Variants in GRK5 observed in about 807,000 individuals in gnomAD.
GRK5 encodes the protein g protein-coupled receptor kinase GRK5.
GRK5 carries 40 observed loss-of-function variants against 78.4 expected under a neutral mutation model. The ratio of observed to expected loss-of-function variants is 0.51; its 90% confidence interval spans 0.40 to 0.66. The LOEUF is 0.66. Among genes scored for constraint, GRK5 ranks in the 30% least tolerant of loss-of-function variants. The pLI, the probability that GRK5 is intolerant of heterozygous loss-of-function variation, is 0.00. For missense variants in GRK5, 598 were observed against 759.9 expected (o/e 0.79, Z 2.50); for synonymous variants, 289 against 296.8 (o/e 0.97, Z 0.27).
intron 1 of GRK5, among the ~76,000 whole-genome samples, chr10:119,297,526 C>T (rs973739829): frequency 7.2e-5 from 11 of 152,140 alleles, no homozygotes; most frequent in Non-Finnish European, 1.0e-4. Flanking sequence ...ATTGCCATTG[C>T]GATGATACTA....
chr10:119,427,832 C>T (rs908898585), intron 6 of GRK5, among the ~76,000 whole-genome samples: 45 of 152,290 alleles, frequency 3.0e-4, no homozygotes, highest in African/African-American at 1.0e-3. Context: ...ATCAGCATCA[C>T]TGCCATCATC....
chr10:119,275,638 C>A (rs2133681488), intron 1 of GRK5, among the ~76,000 whole-genome samples: 1 of 152,112 alleles, frequency 6.6e-6, no homozygotes, highest in African/African-American at 2.4e-5. Flanking sequence ...CACACACACA[C>A]ACACACACAG....
At position 119,217,922 on chromosome 10, in the gene GRK5, T is replaced by A. The variant is rs530177696; in HGVS notation, c.52+9953T>A. Among the ~76,000 whole-genome samples the A allele has an allele frequency of 1.5e-4, 22 of 149,720 alleles. No homozygotes were observed. The highest frequency in any genetic ancestry group is 2.7e-4 in the Non-Finnish European group (18 of 67,446). On this transcript the variant is annotated intron_variant, in intron 1 of 15. Coordinates refer to ENST00000392870, the MANE Select transcript of GRK5 (RefSeq NM_005308.3). The surrounding 1 kb of genome is among the most constrained non-coding windows in gnomAD (Gnocchi z 4.1). ...GTTAGAGAGGGGGAGGCGAGGAGGG[T>A]TTTTCTTGCAGATTGCAGGGCATCC...
At chr10:119,337,573 C>A (rs115443275) in intron 2 of GRK5, among the ~76,000 whole-genome samples, 2 of 152,148 alleles carry the variant, frequency 1.3e-5, no homozygotes, top group African/African-American at 4.8e-5. Context: ...CACCTTCACT[C>A]GGTCTTCTAC....
intron 1 of GRK5, among the ~76,000 whole-genome samples, chr10:119,239,449 T>G (rs982088575): frequency 1.3e-5 from 2 of 152,166 alleles, no homozygotes; most frequent in African/African-American, 4.8e-5. Context: ...GTTGCCAGGC[T>G]GGTCTCAAAC....
Position 119,336,868 on chromosome 10 carries a change from G to C in GRK5, c.148+10257G>C, listed in dbSNP as rs559813071. Reference sequence around the variant, plus strand: ...GTTTGGAACATCAGGTGACCTGTCCGCAGCTGGAGCTCTCAGGAGGGAAGG... The same window carrying C: ...GTTTGGAACATCAGGTGACCTGTCCCCAGCTGGAGCTCTCAGGAGGGAAGG... On this transcript the variant is annotated intron_variant, in intron 2 of 15. Coordinates refer to ENST00000392870, the MANE Select transcript of GRK5 (RefSeq NM_005308.3). The surrounding 1 kb of genome is among the most constrained non-coding windows in gnomAD (Gnocchi z 4.5). 6.6e-6 allele frequency among the ~76,000 whole-genome samples: 1 copy of C among 152,180 alleles called. No individual in the cohort carries two copies. Among genetic ancestry groups the C allele is most frequent in the Non-Finnish European group, 1.5e-5 (1 of 68,026 alleles).
chr10:119,303,495 T>C (rs1374236316), intron 1 of GRK5, among the ~76,000 whole-genome samples: 1 of 152,082 alleles, frequency 6.6e-6, no homozygotes, highest in African/African-American at 2.4e-5. Context: ...AGGGTCTCCA[T>C]GGGCCGGGAG....
intron 2 of GRK5, among the ~76,000 whole-genome samples, chr10:119,366,808 C>T (rs370451034): frequency 3.6e-4 from 55 of 152,282 alleles, no homozygotes; most frequent in African/African-American, 1.2e-3. Context: ...CTCAGGGTCC[C>T]GAGTCTTTGT....
intron 1 of GRK5, among the ~76,000 whole-genome samples, chr10:119,279,309 G>A (rs1849721122): frequency 6.6e-6 from 1 of 152,140 alleles, no homozygotes; most frequent in Non-Finnish European, 1.5e-5. Flanking sequence ...CATGTTCTGA[G>A]GTGCTGGGGG....
At position 119,217,521 on chromosome 10, in the gene GRK5, C is replaced by T. The variant is rs901816427; in HGVS notation, c.52+9552C>T. 6.6e-6 allele frequency among the ~76,000 whole-genome samples: 1 copy of T among 152,250 alleles called. No homozygotes were observed. Among genetic ancestry groups the T allele is most frequent in the South Asian group, 2.1e-4 (1 of 4,830 alleles). ...GCTGCCTGGGCCCCTCCTACCAACA[C>T]ATCGGACAAGCGAGGCCAGCCTCTT... On this transcript the variant is annotated intron_variant, in intron 1 of 15. Coordinates refer to ENST00000392870, the MANE Select transcript of GRK5 (RefSeq NM_005308.3). The surrounding 1 kb of genome is among the most constrained non-coding windows in gnomAD (Gnocchi z 4.1).
chr10:119,327,585 C>T (rs772993516), intron 2 of GRK5, among the ~76,000 whole-genome samples: 4 of 152,228 alleles, frequency 2.6e-5, no homozygotes, highest in African/African-American at 9.6e-5. Context: ...CTGCCCCGTG[C>T]CTGCCCTGGA....
chr10:119,312,242 T>C (rs1850371739), intron 1 of GRK5, among the ~76,000 whole-genome samples: 2 of 152,222 alleles, frequency 1.3e-5, no homozygotes, highest in Admixed American at 1.3e-4. Flanking sequence ...AAATGGTTAA[T>C]ATTCAGTGAA....
At chr10:119,363,291 A>C (rs1448085505) in intron 2 of GRK5, among the ~76,000 whole-genome samples, 1 of 151,932 alleles carries the variant, frequency 6.6e-6, no homozygotes, top group Non-Finnish European at 1.5e-5. Context: ...AAAAAAAAAA[A>C]AAACAACAAA....
At chr10:119,242,826 C>T (rs1021049184) in intron 1 of GRK5, among the ~76,000 whole-genome samples, 1 of 151,994 alleles carries the variant, frequency 6.6e-6, no homozygotes, top group African/African-American at 2.4e-5. Flanking sequence ...CTTTGCCTTC[C>T]GCCATGATTG....
intron 1 of GRK5, among the ~76,000 whole-genome samples, chr10:119,261,902 AG>A (rs1276851552): frequency 6.6e-6 from 1 of 151,436 alleles, no homozygotes; most frequent in Non-Finnish European, 1.5e-5. Context: ...AGAGAGGGAG[AG>A]GGAGACCATG....
At chr10:119,331,125 A>AC (rs1309714241) in intron 2 of GRK5, among the ~76,000 whole-genome samples, 44 of 147,500 alleles carry the variant, frequency 3.0e-4, no homozygotes, top group African/African-American at 4.8e-4. Flanking sequence ...TCCATGGACC[A>AC]CCCCCCCGCC....
rs550093336 is a variant in GRK5 at position 119,430,232 on chromosome 10, C to T, written c.534-143C>T. 10 of 724,808 alleles carry T rather than the reference C, an allele frequency of 1.4e-5. 1 individual carries two copies. Among genetic ancestry groups the T allele is most frequent in the South Asian group, 9.5e-5 (6 of 63,230 alleles). The allele number at this position is 724,808 out of a possible 1,614,324, so 44.9% of individuals were successfully genotyped here. A position where few individuals can be genotyped will look rare whatever the true frequency, so the allele number is the denominator to read the frequency against. On this transcript the variant is annotated intron_variant, in intron 6 of 15. Transcript: ENST00000392870. The surrounding 1 kb of genome is among the most constrained non-coding windows in gnomAD (Gnocchi z 4.5). Reference sequence around the variant, plus strand: ...AAGTCCTCGAAGGTCCAGTCTCCAGCGATGATTCCTGGGGGGTCCCTGGGG... The same window carrying T: ...AAGTCCTCGAAGGTCCAGTCTCCAGTGATGATTCCTGGGGGGTCCCTGGGG...
rs1849230644 is a variant in GRK5, at chr10:119,253,263, C to T, written c.52+45294C>T. ...TAGAGTCCGAAATTTGAAGGACAAG[C>T]AAGGAAGATTGGAGCATCTGTGAAC... is the stretch of plus-strand genomic sequence containing the variant. On this transcript the variant is annotated intron_variant, in intron 1 of 15. Coordinates refer to ENST00000392870, the MANE Select transcript of GRK5 (RefSeq NM_005308.3). The surrounding 1 kb of genome is among the most constrained non-coding windows in gnomAD (Gnocchi z 5.7). 6.6e-6 allele frequency among the ~76,000 whole-genome samples: 1 copy of T among 152,108 alleles called. No homozygotes were observed. The highest frequency in any genetic ancestry group is 2.4e-5 in the African/African-American group (1 of 41,408).
intron 2 of GRK5, among the ~76,000 whole-genome samples, chr10:119,331,685 C>T (rs768625390): frequency 6.6e-6 from 1 of 152,228 alleles, no homozygotes; most frequent in Non-Finnish European, 1.5e-5. Context: ...CAGGATGCCG[C>T]CATGTCTGGA....
Sources: allele counts gnomAD v4.1 joint callset (sites outside exome capture counted in the v4.1 genomes callset), GRCh38; gene constraint gnomAD v4.1.1; non-coding constraint Gnocchi (gnomAD v3.1); transcripts MANE v1.5; gene names NCBI Gene and HGNC (gene_info 2026-07-23, HGNC 2026-07-21).